CTBP2: variants seen among roughly 807,000 people sequenced by gnomAD.
The protein encoded by CTBP2 is C-terminal-binding protein 2.
In CTBP2, 30 loss-of-function variants were observed where a neutral mutation model predicts 80.3. The observed-to-expected ratio is 0.37, with a 90% CI of 0.28 to 0.51. The LOEUF (loss-of-function observed/expected upper bound fraction) is 0.51. Among genes scored for constraint, CTBP2 ranks in the 20% least tolerant of loss-of-function variants. CTBP2 has a pLI of 0.93. For missense variants in CTBP2, 1,212 were observed against 1,375.3 expected, an observed-to-expected ratio of 0.88 and a Z score of 1.88; for synonymous variants, 594 against 587.4, an observed-to-expected ratio of 1.01 and a Z score of -0.16.
intron 1 of CTBP2, among the ~76,000 whole-genome samples, chr10:125,150,745 CAG>C (rs1265376268): frequency 6.7e-6 from 1 of 149,578 alleles, no homozygotes; most frequent in Non-Finnish European, 1.5e-5. Context: ...GTCTGTGATC[CAG>C]AGTCTGACCC....
At chr10:125,153,491 G>A (rs74163354) in intron 1 of CTBP2, among the ~76,000 whole-genome samples, 14,557 of 152,222 alleles carry the variant, frequency 0.096, 818 homozygotes, top group Middle Eastern at 0.14. Flanking sequence ...TCATTTAAAA[G>A]GAAAGGTGCA....
At chr10:125,111,528 C>G (rs1340920680) in intron 1 of CTBP2, among the ~76,000 whole-genome samples, 1 of 152,216 alleles carries the variant, frequency 6.6e-6, no homozygotes, top group East Asian at 1.9e-4. Context: ...AGCATAAATG[C>G]TGACAACTGT....
At chr10:124,990,073 A>T (rs1235793901) in intron 8 of CTBP2, among the ~76,000 whole-genome samples, 4 of 136,062 alleles carry the variant, frequency 2.9e-5, no homozygotes, top group African/African-American at 1.1e-4. Context: ...ATGGAGTCTC[A>T]CTCTGTCGCC....
chr10:125,026,675 C>A lies in CTBP2; in HGVS notation c.1085G>T (p.Gly362Val), dbSNP rs1277010555. The A allele has an allele frequency of 6.2e-7, 1 of 1,604,448 alleles. No individual in the cohort carries two copies. Among genetic ancestry groups the A allele is most frequent in the Admixed American group, 1.7e-5 (1 of 58,860 alleles). ...GCTGGACCGCGCCCGGGGCAGCGGG[C>A]CCCCCCGGTCCTGCCTCCGCAGCTG... Residue 362 changes from glycine (G) to valine (V), a missense_variant, in exon 1 of 9, where the codon GGC (glycine) becomes GTC (valine). Coordinates refer to ENST00000309035, the MANE Select transcript of CTBP2 (RefSeq NM_022802.3).
At chr10:125,064,394 A>G (rs1345584168) in intron 2 of CTBP2, among the ~76,000 whole-genome samples, 3 of 152,188 alleles carry the variant, frequency 2.0e-5, no homozygotes, top group Non-Finnish European at 4.4e-5. Flanking sequence ...AGGCCTTCAG[A>G]GAAAAATAAC....
chr10:125,156,391 G>A (rs1447681750), intron 1 of CTBP2, among the ~76,000 whole-genome samples: 3 of 152,196 alleles, frequency 2.0e-5, no homozygotes, highest in African/African-American at 7.2e-5. Context: ...TACCATTGCT[G>A]TAAACTCTTT....
intron 2 of CTBP2, among the ~76,000 whole-genome samples, chr10:125,076,709 T>C (rs1214801028): frequency 1.3e-5 from 2 of 152,214 alleles, no homozygotes; most frequent in East Asian, 3.9e-4. Context: ...GTCGGCGTTG[T>C]TCTGAGAAGG....
At chr10:125,056,179 T>A (rs867528644) in intron 2 of CTBP2, among the ~76,000 whole-genome samples, 8,091 of 145,318 alleles carry the variant, frequency 0.056, 667 homozygotes, top group African/African-American at 0.2. Context: ...ATAAAAATAA[T>A]AATAATAATA....
chr10:125,131,602 C>T (rs192946213), intron 1 of CTBP2, among the ~76,000 whole-genome samples: 4 of 152,334 alleles, frequency 2.6e-5, no homozygotes, highest in Admixed American at 6.5e-5. Flanking sequence ...ACTCACTGTA[C>T]TACTTACGTT....
chr10:125,110,571 C>T (rs533329946), intron 2 of CTBP2, among the ~76,000 whole-genome samples: 1 of 152,308 alleles, frequency 6.6e-6, no homozygotes, highest in Non-Finnish European at 1.5e-5. Context: ...CCGCCTTCTT[C>T]CTAAAGACAT....
chr10:125,024,994 A>G (rs1475359820), intron 1 of CTBP2, among the ~76,000 whole-genome samples: 1 of 152,212 alleles, frequency 6.6e-6, no homozygotes, highest in African/African-American at 2.4e-5. Context: ...TTAATAGCAC[A>G]CACGGGCCAC....
At chr10:125,070,024 T>TA (rs1845220902) in intron 2 of CTBP2, among the ~76,000 whole-genome samples, 1 of 151,238 alleles carries the variant, frequency 6.6e-6, no homozygotes, top group African/African-American at 2.4e-5. Context: ...CTCAGCAGTT[T>TA]TATATATATA....
chr10:125,142,200 ACT>A (rs1857951763), intron 1 of CTBP2, among the ~76,000 whole-genome samples: 2 of 152,168 alleles, frequency 1.3e-5, no homozygotes, highest in Admixed American at 6.5e-5. Flanking sequence ...GACTGCAGTG[ACT>A]GGCTTTTGGT....
chr10:125,058,817 C>T (rs562046818), intron 2 of CTBP2, among the ~76,000 whole-genome samples: 55 of 152,204 alleles, frequency 3.6e-4, no homozygotes, highest in African/African-American at 1.3e-3. Context: ...TCATTTGAAC[C>T]CGGGAGGCGG....
chr10:124,996,048 G>GTTTTTTTTTTTT (rs34886360), intron 4 of CTBP2: 4 of 131,332 alleles, frequency 3.0e-5, no homozygotes, highest in African/African-American at 1.2e-4. Context: ...CTATTTCTTT[G>GTTTTTTTTTTTT]TTTTTTTTTT....
chr10:125,131,155 G>A (rs184785325), intron 1 of CTBP2, among the ~76,000 whole-genome samples: 5 of 152,322 alleles, frequency 3.3e-5, no homozygotes, highest in South Asian at 2.1e-4. Flanking sequence ...CCCGCAGAGT[G>A]CAGGCTGTCT....
At chr10:125,113,611 A>G (rs546739563) in intron 1 of CTBP2, among the ~76,000 whole-genome samples, 1 of 152,318 alleles carries the variant, frequency 6.6e-6, no homozygotes, top group South Asian at 2.1e-4. Flanking sequence ...GAAAGGAAGG[A>G]GGGATGGAAA....
intron 2 of CTBP2, among the ~76,000 whole-genome samples, chr10:125,107,395 G>A (rs76550923): frequency 6.6e-6 from 1 of 152,192 alleles, no homozygotes; most frequent in East Asian, 1.9e-4. Flanking sequence ...CCAAGGGCCC[G>A]AAGGACTCTG....
intron 2 of CTBP2, among the ~76,000 whole-genome samples, chr10:125,039,953 G>C (rs10901852): frequency 0.2 from 30,139 of 152,146 alleles, 3,733 homozygotes; most frequent in East Asian, 0.3. Context: ...TTTGGGGTAT[G>C]TGGGATTCTC....
Sources: allele counts gnomAD v4.1 joint callset (sites outside exome capture counted in the v4.1 genomes callset), GRCh38; gene constraint gnomAD v4.1.1; transcripts MANE v1.5; gene names NCBI Gene and HGNC (gene_info 2026-07-23, HGNC 2026-07-21).